Variants in ARMH3 observed in about 807,000 individuals in gnomAD.
ARMH3 encodes the protein armadillo-like helical domain-containing protein 3.
A neutral mutation model predicts 99.1 loss-of-function variants in ARMH3; 60 were observed. That is an observed-to-expected ratio of 0.61 (90% CI 0.49 to 0.75). The LOEUF is 0.75. Ranked by LOEUF, ARMH3 falls within the 30% of genes least tolerant of loss-of-function variation. The pLI is 0.00. For synonymous variants in ARMH3, 285 were observed against 292.8 expected, an observed-to-expected ratio of 0.97 and a Z score of 0.27; for missense variants, 679 against 843.1, an observed-to-expected ratio of 0.81 and a Z score of 2.41.
Position 101,975,276 on chromosome 10 carries a change from T to C in ARMH3, c.1431A>G (p.Lys477=), listed in dbSNP as rs1438715800. Residue 477 remains lysine, a synonymous_variant, in exon 20 of 26, where the codon AAA becomes AAG. Coordinates refer to ENST00000370033, the MANE Select transcript of ARMH3 (RefSeq NM_024541.3). ...GACACTTCTTCTGGTAGCAGAGCAG[T>C]TTGTGTACTACCTGGATGCAGCGTC... ...LYIRCIQVVH[K]LLCYQKKCRV... is the part of the protein sequence containing the mutation. 6 of 1,612,466 alleles carry C rather than the reference T, an allele frequency of 3.7e-6. No homozygotes were observed. The African/African-American group carries it at 8.0e-5, about 22-fold the overall frequency.
At chr10:101,873,003 T>G (rs1344380317) in intron 24 of ARMH3, among the ~76,000 whole-genome samples, 1 of 151,556 alleles carries the variant, frequency 6.6e-6, no homozygotes. Context: ...ACATACCCAA[T>G]GGCTAAAATT....
chr10:102,008,809 C>A (rs577150416), intron 13 of ARMH3, among the ~76,000 whole-genome samples: 2 of 152,162 alleles, frequency 1.3e-5, no homozygotes, highest in Non-Finnish European at 2.9e-5. Flanking sequence ...TTGTGATCCG[C>A]CCACCTCAGC....
intron 20 of ARMH3, among the ~76,000 whole-genome samples, chr10:101,974,231 G>C (rs1489854917): frequency 6.6e-6 from 1 of 152,136 alleles, no homozygotes; most frequent in Non-Finnish European, 1.5e-5. Flanking sequence ...CATTATGGAG[G>C]ACTAAATTTA....
intron 20 of ARMH3, among the ~76,000 whole-genome samples, chr10:101,960,656 T>C (rs1279534004): frequency 2.0e-5 from 3 of 151,964 alleles, no homozygotes; most frequent in African/African-American, 7.3e-5. Context: ...TTTGGGAGGC[T>C]GAGGCAGGCT....
At chr10:101,849,338 A>C (rs1325216144) in intron 25 of ARMH3, among the ~76,000 whole-genome samples, 1 of 152,224 alleles carries the variant, frequency 6.6e-6, no homozygotes, top group Non-Finnish European at 1.5e-5. Context: ...TGGGGGCTGC[A>C]GGAAGCTAAG....
intron 22 of ARMH3, among the ~76,000 whole-genome samples, chr10:101,950,655 T>C (rs1844742815): frequency 6.6e-6 from 1 of 152,212 alleles, no homozygotes; most frequent in Admixed American, 6.5e-5. Flanking sequence ...GGATACAACA[T>C]GGATAAGCCT....
At chr10:101,940,333 G>C (rs1844181107) in intron 22 of ARMH3, among the ~76,000 whole-genome samples, 1 of 152,126 alleles carries the variant, frequency 6.6e-6, no homozygotes, top group South Asian at 2.1e-4. Context: ...AGTGGAACTG[G>C]CTGGCTTAGT....
At chr10:102,054,286 G>A (rs2067783700) in intron 1 of ARMH3, among the ~76,000 whole-genome samples, 1 of 151,972 alleles carries the variant, frequency 6.6e-6, no homozygotes, top group Admixed American at 6.6e-5. Context: ...CTACTCAGAA[G>A]GCTAAGGCAG....
intron 20 of ARMH3, among the ~76,000 whole-genome samples, chr10:101,969,945 A>C (rs2135892873): frequency 6.6e-6 from 1 of 152,326 alleles, no homozygotes; most frequent in South Asian, 2.1e-4. Context: ...GCAGAGTGAG[A>C]GGGTAACAAC....
At chr10:101,997,606 A>G (rs1256757815) in intron 15 of ARMH3, among the ~76,000 whole-genome samples, 2 of 151,800 alleles carry the variant, frequency 1.3e-5, no homozygotes, top group Non-Finnish European at 2.9e-5. Context: ...AAAAAAAAAA[A>G]TTCTGGAGAA....
intron 23 of ARMH3, among the ~76,000 whole-genome samples, chr10:101,905,483 G>T (rs1589995587): frequency 6.6e-6 from 1 of 152,202 alleles, no homozygotes; most frequent in South Asian, 2.1e-4. Flanking sequence ...CTCTCTCAAA[G>T]AATCCAGGAA....
chr10:102,003,751 A>G (rs2066421167), intron 14 of ARMH3, among the ~76,000 whole-genome samples: 1 of 152,272 alleles, frequency 6.6e-6, no homozygotes, highest in Non-Finnish European at 1.5e-5. Flanking sequence ...AAACATTTGC[A>G]TTTTATGAAC....
At chr10:101,933,583 T>C (rs1354838843) in intron 23 of ARMH3, among the ~76,000 whole-genome samples, 1 of 152,230 alleles carries the variant, frequency 6.6e-6, no homozygotes, top group Admixed American at 6.5e-5. Flanking sequence ...TACAATGATA[T>C]GTAATGCTCC....
rs938199095 is a variant in ARMH3, at chr10:101,847,005, T to C, written c.*523A>G. The C allele has an allele frequency of 6.5e-6, 1 of 153,432 alleles. No homozygotes were observed. Among genetic ancestry groups the C allele is most frequent in the African/African-American group, 2.4e-5 (1 of 41,436 alleles). 9.5% of individuals were successfully genotyped at this position (153,432 alleles called of 1,614,324 possible). On this transcript the variant is annotated 3_prime_UTR_variant, in exon 26 of 26. Transcript: ENST00000370033. The stretch of plus-strand genomic sequence containing the variant: ...TACCCTATTCCTATCTTACCCTAAA[T>C]CTGAGCCAAAGGTCCCGATGACTGG...
At chr10:101,919,937 G>A (rs1843240055) in intron 23 of ARMH3, among the ~76,000 whole-genome samples, 2 of 152,090 alleles carry the variant, frequency 1.3e-5, no homozygotes, top group Admixed American at 1.3e-4. Flanking sequence ...GTTTCTCTGA[G>A]CTTCTGTCTC....
At chr10:101,852,791 C>A (rs1006645833) in intron 24 of ARMH3, among the ~76,000 whole-genome samples, 4 of 151,578 alleles carry the variant, frequency 2.6e-5, no homozygotes, top group Admixed American at 6.6e-5. Flanking sequence ...AGAAAAAAAT[C>A]CAGAAGCCTG....
chr10:101,951,350 G>A (rs189493812), intron 22 of ARMH3, among the ~76,000 whole-genome samples: 6 of 152,090 alleles, frequency 3.9e-5, no homozygotes, highest in South Asian at 2.1e-4. Flanking sequence ...CAGGAGGATC[G>A]CTTGAGCCCA....
intron 18 of ARMH3, 107 bp from the exon 19 acceptor site, chr10:101,990,718 C>T: frequency 5.0e-6 from 4 of 794,586 alleles, no homozygotes; most frequent in South Asian, 4.6e-5. Context: ...CACTGAACGG[C>T]ATCCACTAAC....
At chr10:101,962,713 TA>T (rs941873576) in intron 20 of ARMH3, among the ~76,000 whole-genome samples, 2 of 152,202 alleles carry the variant, frequency 1.3e-5, no homozygotes, top group Admixed American at 1.3e-4. Context: ...TGGTTGGAGC[TA>T]AACTGCATTA....
Sources: gnomAD v4.1 joint callset for allele counts (sites outside exome capture counted in the v4.1 genomes callset) on GRCh38, gnomAD v4.1.1 for gene constraint, MANE v1.5 for transcripts, NCBI Gene and HGNC (gene_info 2026-07-23, HGNC 2026-07-21) for gene names.